The following OTUD7A variants were observed in gnomAD, a reference collection of about 807,000 sequenced individuals.
The protein encoded by OTUD7A is OTU domain-containing protein 7A.
A neutral mutation model predicts 65.7 loss-of-function variants in OTUD7A; 12 were observed. The ratio of observed to expected loss-of-function variants is 0.18; its 90% CI spans 0.12 to 0.30. OTUD7A has a LOEUF of 0.30. Among genes scored for constraint, OTUD7A ranks in the 10% least tolerant of loss-of-function variants. OTUD7A has a pLI of 1.00. For missense variants in OTUD7A, 1,148 were observed against 1,304.8 expected (o/e 0.88, Z 1.85); for synonymous variants, 641 against 586.3 (o/e 1.09, Z -1.35).
intron 1 of OTUD7A, among the ~76,000 whole-genome samples, chr15:31,780,623 A>G (rs1400350993): frequency 6.6e-6 from 1 of 152,242 alleles, no homozygotes; most frequent in Non-Finnish European, 1.5e-5. Flanking sequence ...ACCGAAGTAC[A>G]GCATATGGGG....
intron 4 of OTUD7A, among the ~76,000 whole-genome samples, chr15:31,568,008 C>A (rs73372596): frequency 0.06 from 9,122 of 152,350 alleles, 927 homozygotes; most frequent in African/African-American, 0.21. Flanking sequence ...ATAGCCCTCA[C>A]ACACAACGTC....
rs770277016 is a variant in OTUD7A at position 31,484,293 on chromosome 15, C to T, written c.1803G>A (p.Lys601=). The stretch of plus-strand genomic sequence containing the variant: ...TCTCCGCCGGCGACGCGCCCGCTGC[C>T]TTGTCTGTGGGCGACGGCGTGGTCT... ...SEKTTPSPTD[K]AAGASPAEKG... is the part of the protein sequence containing the mutation. Residue 601 remains lysine (K), a synonymous_variant, in exon 13 of 13, where the codon AAG becomes AAA. Coordinates refer to ENST00000307050, the MANE Select transcript of OTUD7A (RefSeq NM_001382637.1). This position sits in a 1 kb window ranked among gnomAD's most constrained non-coding sequence, Gnocchi z 4.5. 3 of 1,595,798 alleles carry T rather than the reference C, an allele frequency of 1.9e-6. No individual in the cohort carries two copies. Among genetic ancestry groups the T allele is most frequent in the East Asian group, 4.5e-5 (2 of 44,552 alleles).
chr15:31,742,444 T>G (rs1740811693), intron 1 of OTUD7A, among the ~76,000 whole-genome samples: 1 of 152,098 alleles, frequency 6.6e-6, no homozygotes, highest in Admixed American at 6.5e-5. Flanking sequence ...TTTTAAAAAC[T>G]GAACCACTGA....
At chr15:31,608,002 A>C (rs1890285178) in intron 3 of OTUD7A, among the ~76,000 whole-genome samples, 1 of 152,204 alleles carries the variant, frequency 6.6e-6, no homozygotes. Flanking sequence ...TAATCCCAGC[A>C]CCTTGGGAGG....
At chr15:31,664,906 C>G (rs998819713) in intron 1 of OTUD7A, among the ~76,000 whole-genome samples, 14 of 152,104 alleles carry the variant, frequency 9.2e-5, no homozygotes, top group African/African-American at 3.4e-4. Context: ...ATCGTTTGCT[C>G]AAAAGGGCAT....
At chr15:31,702,395 T>G (rs1425868087) in intron 1 of OTUD7A, among the ~76,000 whole-genome samples, 7 of 148,498 alleles carry the variant, frequency 4.7e-5, no homozygotes, top group Admixed American at 3.3e-4. Context: ...CTTTTAGAAC[T>G]AAGAAGTGAC....
intron 1 of OTUD7A, among the ~76,000 whole-genome samples, chr15:31,802,365 T>C (rs1896157374): frequency 1.3e-5 from 2 of 152,086 alleles, no homozygotes; most frequent in African/African-American, 4.8e-5. Flanking sequence ...TTCTGCCTGC[T>C]TATATTCTAG....
intron 1 of OTUD7A, among the ~76,000 whole-genome samples, chr15:31,670,181 AC>A (rs1892444761): frequency 6.6e-6 from 1 of 150,654 alleles, no homozygotes; most frequent in African/African-American, 2.5e-5. Flanking sequence ...CCAGTCTATC[AC>A]TGATGGGCAT....
intron 1 of OTUD7A, among the ~76,000 whole-genome samples, chr15:31,784,612 A>C (rs1895623722): frequency 6.6e-6 from 1 of 152,140 alleles, no homozygotes; most frequent in Non-Finnish European, 1.5e-5. Context: ...ATACCCCACA[A>C]AGAAAAGCTC....
At chr15:31,490,801 G>T (rs1053497051) in intron 10 of OTUD7A, among the ~76,000 whole-genome samples, 2 of 152,182 alleles carry the variant, frequency 1.3e-5, no homozygotes, top group Non-Finnish European at 2.9e-5. Flanking sequence ...TGTCTCCATA[G>T]ATATTTCCAT....
chr15:31,853,545 G>A (rs939030562), intron 1 of OTUD7A, among the ~76,000 whole-genome samples: 1 of 152,214 alleles, frequency 6.6e-6, no homozygotes, highest in Non-Finnish European at 1.5e-5. Flanking sequence ...CAGGAGAAAT[G>A]GCCTAGCCCC....
intron 1 of OTUD7A, among the ~76,000 whole-genome samples, chr15:31,693,846 G>A (rs1022448368): frequency 4.1e-4 from 63 of 152,232 alleles, no homozygotes; most frequent in African/African-American, 1.5e-3. Context: ...CTTGCCTATG[G>A]TCTAAAAAGC....
At chr15:31,765,049 T>A (rs1187507820) in intron 1 of OTUD7A, among the ~76,000 whole-genome samples, 3 of 104,186 alleles carry the variant, frequency 2.9e-5, no homozygotes, top group African/African-American at 8.0e-5. Flanking sequence ...AGTTGCTAAA[T>A]AAATATCTTT....
chr15:31,602,045 T>A (rs1308959940), intron 3 of OTUD7A, among the ~76,000 whole-genome samples: 2 of 152,220 alleles, frequency 1.3e-5, no homozygotes, highest in East Asian at 3.8e-4. Context: ...GCTGGTACCA[T>A]TCCTTCTGAA....
intron 1 of OTUD7A, among the ~76,000 whole-genome samples, chr15:31,805,300 G>C (rs1412727199): frequency 6.6e-6 from 1 of 152,216 alleles, no homozygotes; most frequent in East Asian, 1.9e-4. Context: ...CTAGAGAGCT[G>C]GACAATTTGG....
chr15:31,743,427 A>T (rs1447292390), intron 1 of OTUD7A, among the ~76,000 whole-genome samples: 2 of 152,210 alleles, frequency 1.3e-5, no homozygotes, highest in Non-Finnish European at 2.9e-5. Flanking sequence ...AAAAACATAT[A>T]ATTTTGGTAA....
At chr15:31,539,106 T>C (rs2141132892) in intron 5 of OTUD7A, among the ~76,000 whole-genome samples, 1 of 152,300 alleles carries the variant, frequency 6.6e-6, no homozygotes, top group African/African-American at 2.4e-5. Flanking sequence ...TTCTGACTTG[T>C]TATTCCTAGG....
At chr15:31,805,475 C>T (rs1050127780) in intron 1 of OTUD7A, among the ~76,000 whole-genome samples, 1 of 152,202 alleles carries the variant, frequency 6.6e-6, no homozygotes, top group African/African-American at 2.4e-5. Flanking sequence ...CTTCTATCCA[C>T]CCCAAAAGAT....
intron 5 of OTUD7A, 149 bp downstream of exon 5, chr15:31,558,820 C>T: frequency 1.2e-6 from 1 of 813,662 alleles, no homozygotes. Flanking sequence ...GCCCGTAGAG[C>T]AGGAGGTGCG....
Sources: allele counts gnomAD v4.1 joint callset (sites outside exome capture counted in the v4.1 genomes callset), GRCh38; gene constraint gnomAD v4.1.1; non-coding constraint Gnocchi (gnomAD v3.1); transcripts MANE v1.5; gene names NCBI Gene and HGNC (gene_info 2026-07-23, HGNC 2026-07-21).